The following DPYSL3 variants were observed in gnomAD, a reference collection of about 807,000 sequenced individuals.
DPYSL3 encodes dihydropyrimidinase-related protein 3.
Under a neutral mutation model 66.1 loss-of-function variants are expected in DPYSL3, and 16 were observed. The observed-to-expected ratio is 0.24, with a 90% confidence interval of 0.16 to 0.37. The LOEUF (loss-of-function observed/expected upper bound fraction) is 0.37, where lower values mean the gene tolerates loss of function less well. Among genes scored for constraint, DPYSL3 ranks in the 10% least tolerant of loss-of-function variants. The probability of loss-of-function intolerance (pLI) is 1.00; values close to 1 mark genes in which losing one functional copy is unlikely to be tolerated. For missense variants in DPYSL3, 738 were observed against 916.2 expected, an observed-to-expected ratio of 0.81 and a Z score of 2.51; for synonymous variants, 338 against 345.1, an observed-to-expected ratio of 0.98 and a Z score of 0.23.
At chr5:147,459,119 G>T (rs1752896745) in intron 1 of DPYSL3, among the ~76,000 whole-genome samples, 1 of 151,844 alleles carries the variant, frequency 6.6e-6, no homozygotes. Flanking sequence ...TGAACAGGCA[G>T]GGGAGAAAGT....
chr5:147,452,893 AC>A (rs1257172425), intron 1 of DPYSL3, among the ~76,000 whole-genome samples: 2 of 145,634 alleles, frequency 1.4e-5, no homozygotes, highest in African/African-American at 5.1e-5. Flanking sequence ...ACACACACAC[AC>A]ACACACACAC....
chr5:147,437,837 A>G (rs528373343), intron 1 of DPYSL3, among the ~76,000 whole-genome samples: 1 of 152,330 alleles, frequency 6.6e-6, no homozygotes, highest in South Asian at 2.1e-4. Context: ...TCTTTTTCAA[A>G]GGAATGCTGT....
chr5:147,453,023 A>T (rs1299239131), intron 1 of DPYSL3, among the ~76,000 whole-genome samples: 1 of 152,056 alleles, frequency 6.6e-6, no homozygotes, highest in Non-Finnish European at 1.5e-5. Flanking sequence ...CAAGAAGGGG[A>T]CACGGCGAGG....
intron 1 of DPYSL3, among the ~76,000 whole-genome samples, chr5:147,493,246 A>C (rs995368610): frequency 1.3e-5 from 2 of 152,230 alleles, no homozygotes; most frequent in African/African-American, 4.8e-5. Flanking sequence ...CCATTATGAT[A>C]GTTGGAAATT....
rs1304829365 is a variant in DPYSL3, at chr5:147,391,992, G to T, written c.*2043C>A. On this transcript the variant is annotated 3_prime_UTR_variant, in exon 14 of 14. Coordinates refer to ENST00000343218, the MANE Select transcript of DPYSL3 (RefSeq NM_001197294.2). ...GGGCTGAGTAACAGCAGAGCAGAGA[G>T]TGCAGAAGTGGACGCTCAGAAGCGA... 6.6e-6 allele frequency: 1 copy of T among 152,216 alleles called. No individual in the cohort carries two copies. Among genetic ancestry groups the T allele is most frequent in the African/African-American group, 2.4e-5 (1 of 41,448 alleles). The allele number at this position is 152,216 out of a possible 1,614,324, so 9.4% of individuals were successfully genotyped here. A position where few individuals can be genotyped will look rare whatever the true frequency, so the allele number is the denominator to read the frequency against.
chr5:147,447,662 G>C (rs1025001626), intron 1 of DPYSL3, among the ~76,000 whole-genome samples: 1 of 152,080 alleles, frequency 6.6e-6, no homozygotes, highest in South Asian at 2.1e-4. Flanking sequence ...CCTGAGGTCG[G>C]GAGTTCGAGA....
At chr5:147,428,628 G>A (rs1418028711) in intron 1 of DPYSL3, among the ~76,000 whole-genome samples, 3 of 152,130 alleles carry the variant, frequency 2.0e-5, no homozygotes, top group African/African-American at 7.2e-5. Flanking sequence ...CCAACAAAAT[G>A]AACAAACCCA....
intron 1 of DPYSL3, among the ~76,000 whole-genome samples, chr5:147,462,927 G>A (rs569230273): frequency 6.6e-6 from 1 of 152,138 alleles, no homozygotes; most frequent in Non-Finnish European, 1.5e-5. Flanking sequence ...CCCTGGTAAA[G>A]ACAGAAGCCC....
At chr5:147,452,178 C>T (rs1561793497) in intron 1 of DPYSL3, among the ~76,000 whole-genome samples, 1 of 152,152 alleles carries the variant, frequency 6.6e-6, no homozygotes, top group Admixed American at 6.5e-5. Flanking sequence ...GACAATAAAA[C>T]ATAGTAGGCG....
intron 2 of DPYSL3, among the ~76,000 whole-genome samples, chr5:147,423,898 A>T (rs1349133416): frequency 6.6e-6 from 1 of 152,040 alleles, no homozygotes; most frequent in African/African-American, 2.4e-5. Flanking sequence ...TTTTTGTATT[A>T]GTAAAGACAG....
rs181027922 is a variant in DPYSL3 at position 147,489,338 on chromosome 5, T to C, written c.381+20140A>G. Among the ~76,000 whole-genome samples, 4 of 152,280 alleles carry C rather than the reference T, an allele frequency of 2.6e-5. No homozygotes were observed. The East Asian group carries it at 7.7e-4, about 29-fold the overall frequency. ...TTGGATCCCATTCAGCACTGATGCT[T>C]AGCTGCCACCATACCAGAAGAGAAC... On this transcript the variant is annotated intron_variant, in intron 1 of 13. Transcript: ENST00000343218.
chr5:147,467,360 G>C (rs1037445902), intron 1 of DPYSL3, among the ~76,000 whole-genome samples: 8 of 152,066 alleles, frequency 5.3e-5, no homozygotes, highest in Non-Finnish European at 1.0e-4. Flanking sequence ...AGGAGTTGCT[G>C]GTGTATATCA....
At position 147,392,903 on chromosome 5, in the gene DPYSL3, A is replaced by C. The variant is rs879111154; in HGVS notation, c.*1132T>G. On this transcript the variant is annotated 3_prime_UTR_variant, in exon 14 of 14. Coordinates refer to ENST00000343218, the MANE Select transcript of DPYSL3 (RefSeq NM_001197294.2). ...TTTCCCAGTTCCCCACTTGACTTTC[A>C]TATAAGCTGAGATGACCTATTACGG... is the stretch of plus-strand genomic sequence containing the variant. 6.6e-6 allele frequency: 1 copy of C among 152,260 alleles called. No homozygotes were observed. Among genetic ancestry groups the C allele is most frequent in the Non-Finnish European group, 1.5e-5 (1 of 68,054 alleles). The allele number at this position is 152,260 out of a possible 1,614,324, so 9.4% of individuals were successfully genotyped here.
chr5:147,496,418 G>A (rs1488822167), intron 1 of DPYSL3, among the ~76,000 whole-genome samples: 1 of 152,118 alleles, frequency 6.6e-6, no homozygotes, highest in Non-Finnish European at 1.5e-5. Context: ...TTAAACTAAA[G>A]AGCTTCTGCA....
intron 9 of DPYSL3, among the ~76,000 whole-genome samples, chr5:147,401,200 C>T (rs1431629041): frequency 1.3e-5 from 2 of 152,174 alleles, no homozygotes; most frequent in Non-Finnish European, 2.9e-5. Context: ...CTTCTCTGAC[C>T]TTCAGTTGCT....
intron 1 of DPYSL3, among the ~76,000 whole-genome samples, chr5:147,475,222 T>C (rs1018681199): frequency 1.3e-5 from 2 of 152,108 alleles, no homozygotes; most frequent in African/African-American, 4.8e-5. Context: ...AAATTGGTGA[T>C]ATCTGAATAA....
intron 1 of DPYSL3, among the ~76,000 whole-genome samples, chr5:147,508,249 T>C (rs950893249): frequency 1.3e-5 from 2 of 152,194 alleles, no homozygotes; most frequent in African/African-American, 4.8e-5. Context: ...GTGGTCTTAG[T>C]AGTCAAAGGT....
rs368235672 is a variant in DPYSL3 at position 147,496,130 on chromosome 5, C to G, written c.381+13348G>C. Among the ~76,000 whole-genome samples, 817 of 152,072 alleles carry G rather than the reference C, an allele frequency of 5.4e-3. 6 individuals are homozygous for G. The highest frequency in any genetic ancestry group is 8.4e-3 in the Non-Finnish European group (574 of 67,980). Reference sequence around the variant, plus strand: ...ACTATCTGATCTTTGACAAACCTGACAAAAACAAGCAATGGGGAAAGGATT... The same window carrying G: ...ACTATCTGATCTTTGACAAACCTGAGAAAAACAAGCAATGGGGAAAGGATT... On this transcript the variant is annotated intron_variant, in intron 1 of 13. Transcript: ENST00000343218.
At chr5:147,447,288 A>C (rs1170080847) in intron 1 of DPYSL3, among the ~76,000 whole-genome samples, 4 of 152,206 alleles carry the variant, frequency 2.6e-5, no homozygotes, top group African/African-American at 9.7e-5. Flanking sequence ...AGGGACTGGA[A>C]CCAAAAGAAG....
Sources: allele counts gnomAD v4.1 joint callset (sites outside exome capture counted in the v4.1 genomes callset), GRCh38; gene constraint gnomAD v4.1.1; transcripts MANE v1.5; gene names NCBI Gene and HGNC (gene_info 2026-07-23, HGNC 2026-07-21).